AMOTL1: variants seen among roughly 807,000 people sequenced by gnomAD.
AMOTL1 encodes the protein angiomotin-like protein 1.
A neutral mutation model predicts 102.9 loss-of-function variants in AMOTL1; 45 were observed. The observed-to-expected ratio is 0.44, with a 90% CI of 0.34 to 0.56. AMOTL1 has a LOEUF of 0.56. AMOTL1 is among the 20% of genes least tolerant of loss of function. The pLI is 0.01. For missense variants in AMOTL1, 1,114 were observed against 1,225.6 expected (o/e 0.91, Z 1.36); for synonymous variants, 481 against 484.7 (o/e 0.99, Z 0.10).
intron 1 of AMOTL1, among the ~76,000 whole-genome samples, chr11:94,771,266 G>GGC (rs567385941): frequency 2.1e-5 from 3 of 144,422 alleles, no homozygotes; most frequent in Non-Finnish European, 3.0e-5. Context: ...GGTTGGGGGG[G>GGC]GGGTGCGGTG....
rs372306836 is a variant in AMOTL1, at chr11:94,872,136, G to A, written c.*1341G>A. On this transcript the variant is annotated 3_prime_UTR_variant, in exon 13 of 13. Coordinates refer to ENST00000433060, the MANE Select transcript of AMOTL1 (RefSeq NM_130847.3). ...TTTTGAGGCAGTTTATTCAAAGTGA[G>A]ACAGAAGTGCCACGGAAAAGAGGCA... is the stretch of plus-strand genomic sequence containing the variant. The A allele has an allele frequency of 4.6e-5, 7 of 152,286 alleles. 1 individual carries two copies. In the East Asian group the frequency reaches 1.4e-3, roughly 29 times the overall value. The allele number at this position is 152,286 out of a possible 1,614,324, so 9.4% of individuals were successfully genotyped here.
In AMOTL1 at chr11:94,713,322, C is replaced by T. The variant is rs188466231; in HGVS notation, c.-51+6725C>T. On this transcript the variant is annotated intron_variant, in intron 1 of 4. Coordinates refer to the AMOTL1 transcript ENST00000299004. ...AATACACTAGGTAGAGTTCTTCCTC[C>T]CATTTCAGGGTTATTTGTCAAAAGT... 4.2e-3 allele frequency among the ~76,000 whole-genome samples: 642 copies of T among 151,956 alleles called. 8 individuals are homozygous for T. The highest frequency in any genetic ancestry group is 0.015 in the African/African-American group (609 of 41,488).
At chr11:94,798,252 G>T (rs1591976328) in intron 2 of AMOTL1, among the ~76,000 whole-genome samples, 1 of 152,214 alleles carries the variant, frequency 6.6e-6, no homozygotes, top group Middle Eastern at 3.2e-3. Flanking sequence ...CACATGGAGA[G>T]AATTTAGTAC....
At chr11:94,712,894 A>G (rs1321086513) in intron 1 of AMOTL1, among the ~76,000 whole-genome samples, 1 of 152,000 alleles carries the variant, frequency 6.6e-6, no homozygotes, top group Non-Finnish European at 1.5e-5. Context: ...AGTGCAAAGC[A>G]TAAGAACTTT....
At chr11:94,854,911 G>C (rs1952629430) in intron 8 of AMOTL1, among the ~76,000 whole-genome samples, 1 of 152,168 alleles carries the variant, frequency 6.6e-6, no homozygotes, top group Admixed American at 6.5e-5. Context: ...GTCCTTCTCT[G>C]CTGGTAACAA....
chr11:94,778,697 G>A (rs550831135), intron 1 of AMOTL1, among the ~76,000 whole-genome samples: 1 of 152,340 alleles, frequency 6.6e-6, no homozygotes, highest in South Asian at 2.1e-4. Context: ...CTTCAGGCAA[G>A]GCACTGTAGG....
At position 94,861,451 on chromosome 11, in the gene AMOTL1, G is replaced by A. The variant is rs78455980; in HGVS notation, c.2135+1736G>A. Among the ~76,000 whole-genome samples, 844 of 152,258 alleles carry A rather than the reference G, an allele frequency of 5.5e-3. 6 individuals are homozygous for A. The highest frequency in any genetic ancestry group is 0.019 in the African/African-American group (790 of 41,536). On this transcript the variant is annotated intron_variant, in intron 9 of 12. Coordinates refer to ENST00000433060, the MANE Select transcript of AMOTL1 (RefSeq NM_130847.3). ...TCTTCTTGGACATATGTGGTCTAGT[G>A]CACTGCTGTCCACGGTTGCCCTGGG...
At chr11:94,757,678 A>G (rs371231967) in intron 3 of AMOTL1, among the ~76,000 whole-genome samples, 2 of 152,154 alleles carry the variant, frequency 1.3e-5, no homozygotes, top group South Asian at 2.1e-4. Context: ...ACTAACCACA[A>G]TGGGGCAGGC....
chr11:94,727,321 T>C (rs1950276920), intron 1 of AMOTL1, among the ~76,000 whole-genome samples: 1 of 152,198 alleles, frequency 6.6e-6, no homozygotes, highest in Non-Finnish European at 1.5e-5. Context: ...TATAAAATGT[T>C]GGATATTTAC....
At chr11:94,713,289 T>C (rs958542686) in intron 1 of AMOTL1, among the ~76,000 whole-genome samples, 1 of 151,970 alleles carries the variant, frequency 6.6e-6, no homozygotes, top group African/African-American at 2.4e-5. Flanking sequence ...GGTAGCTTTA[T>C]AATAAGCAAT....
chr11:94,730,280 T>C (rs1950326878), intron 2 of AMOTL1, among the ~76,000 whole-genome samples: 1 of 152,192 alleles, frequency 6.6e-6, no homozygotes, highest in Non-Finnish European at 1.5e-5. Context: ...TGTATCAGCC[T>C]CTTCCTGGAT....
chr11:94,808,595 C>G (rs879778452), intron 3 of AMOTL1, among the ~76,000 whole-genome samples: 1 of 152,042 alleles, frequency 6.6e-6, no homozygotes, highest in African/African-American at 2.4e-5. Flanking sequence ...ATCTGGGGAC[C>G]CCAGAGTGGG....
intron 1 of AMOTL1, among the ~76,000 whole-genome samples, chr11:94,772,269 G>A (rs921552203): frequency 1.3e-5 from 2 of 152,116 alleles, no homozygotes; most frequent in Non-Finnish European, 2.9e-5. Context: ...ATTTTTTCAT[G>A]TGTAGATTCA....
Position 94,870,841 on chromosome 11 carries a change from A to G in AMOTL1, c.*46A>G, listed in dbSNP as rs1592055259. 6.8e-7 allele frequency: 1 copy of G among 1,478,778 alleles called. No homozygotes were observed. The highest frequency in any genetic ancestry group is 9.2e-7 in the Non-Finnish European group (1 of 1,089,922). 91.6% of individuals were successfully genotyped at this position (1,478,778 alleles called of 1,614,324 possible). A position where few individuals can be genotyped will look rare whatever the true frequency, so the allele number is the denominator to read the frequency against. ...CAGTACAGAACACTGACAAACAAGG[A>G]AAGCGGCAGAGAAAGAAGAAAGACC... On this transcript the variant is annotated 3_prime_UTR_variant, in exon 13 of 13. Coordinates refer to ENST00000433060, the MANE Select transcript of AMOTL1 (RefSeq NM_130847.3).
rs114331001 is a variant in AMOTL1, at chr11:94,780,934, C to G, written c.49+12374C>G. Among the ~76,000 whole-genome samples the G allele has an allele frequency of 1.9e-3, 293 of 152,246 alleles. 2 individuals carry two copies. The highest frequency in any genetic ancestry group is 6.5e-3 in the African/African-American group (270 of 41,546). ...TCCTGCTTGGTGGATATTTTCTCCT[C>G]TATCTTTTTTTGTTCTTTAAATCTT... On this transcript the variant is annotated intron_variant, in intron 1 of 12. Transcript: ENST00000433060.
chr11:94,748,295 T>A (rs1388462360), intron 3 of AMOTL1, among the ~76,000 whole-genome samples: 1 of 152,254 alleles, frequency 6.6e-6, no homozygotes, highest in African/African-American at 2.4e-5. Context: ...TTTCAGCTTC[T>A]ACTATCACAT....
In AMOTL1 at chr11:94,864,738, C is replaced by T. The variant is rs745764622; in HGVS notation, c.2139C>T (p.Asp713=). 7 of 1,613,044 alleles carry T rather than the reference C, an allele frequency of 4.3e-6. No individual in the cohort carries two copies. The highest frequency in any genetic ancestry group is 5.9e-6 in the Non-Finnish European group (7 of 1,179,400). Residue 713 remains aspartate, a synonymous_variant, in exon 10 of 13, where the codon GAC becomes GAT. Transcript: ENST00000433060. ...NAAATAAAER[D]TTIINHSRNG... is the part of the protein sequence containing the mutation. ...ACGCATATCCTTGTGTTGCCAGGGA[C>T]ACCACGATCATCAACCACTCACGGA...
chr11:94,756,014 C>T (rs575738797), intron 3 of AMOTL1, among the ~76,000 whole-genome samples: 101 of 151,466 alleles, frequency 6.7e-4, no homozygotes, highest in Non-Finnish European at 1.3e-3. Context: ...ATGAGGTGGA[C>T]GGGAAACCAG....
At chr11:94,748,230 T>C (rs998186667) in intron 3 of AMOTL1, among the ~76,000 whole-genome samples, 2 of 152,226 alleles carry the variant, frequency 1.3e-5, no homozygotes, top group Non-Finnish European at 2.9e-5. Flanking sequence ...TCTGGTGGCT[T>C]CAGGGTGCAC....
Sources: allele counts gnomAD v4.1 joint callset (sites outside exome capture counted in the v4.1 genomes callset), GRCh38; gene constraint gnomAD v4.1.1; transcripts MANE v1.5; gene names NCBI Gene and HGNC (gene_info 2026-07-23, HGNC 2026-07-21).